SEC24D: variants seen among roughly 807,000 people sequenced by gnomAD.
SEC24D encodes protein transport protein Sec24D.
Under a neutral mutation model 116.9 loss-of-function variants are expected in SEC24D, and 69 were observed. The ratio of observed to expected loss-of-function variants is 0.59; its 90% confidence interval spans 0.49 to 0.72. The LOEUF (loss-of-function observed/expected upper bound fraction) is 0.72. Ranked by LOEUF, SEC24D falls within the 30% of genes least tolerant of loss-of-function variation. SEC24D has a pLI of 0.00. For synonymous variants in SEC24D, 405 were observed against 442.8 expected (o/e 0.91, Z 1.07); for missense variants, 1,131 against 1,264.1 (o/e 0.89, Z 1.60).
chr4:118,740,836 T>A, intron 16 of SEC24D, 28 bp from the exon 17 acceptor site: 1 of 1,612,628 alleles, frequency 6.2e-7, no homozygotes, highest in East Asian at 2.2e-5. Context: ...AGGGAAATTT[T>A]GCTTGTCTTT....
chr4:118,751,267 C>T (rs1452216769), intron 13 of SEC24D, among the ~76,000 whole-genome samples: 4 of 150,676 alleles, frequency 2.7e-5, no homozygotes, highest in African/African-American at 9.8e-5. Context: ...CAACCTCTGC[C>T]TCCCGGGTTC....
chr4:118,731,556 C>T, intron 20 of SEC24D, 49 bp from the exon 21 acceptor site: 3 of 1,495,508 alleles, frequency 2.0e-6, no homozygotes, highest in Non-Finnish European at 2.8e-6. Flanking sequence ...TTCCCCTTCC[C>T]TTCCCTCCTT....
intron 15 of SEC24D, among the ~76,000 whole-genome samples, chr4:118,742,986 C>T (rs1033416282): frequency 3.9e-5 from 6 of 152,134 alleles, no homozygotes; most frequent in East Asian, 1.9e-4. Context: ...AAACTCAGAT[C>T]GTGCCCACTC....
rs1208193470 is a variant in SEC24D at position 118,821,255 on chromosome 4, T to G, written c.248+3365A>C. Among the ~76,000 whole-genome samples the G allele has an allele frequency of 2.0e-5, 3 of 152,264 alleles. No homozygotes were observed. The East Asian group carries it at 5.8e-4, about 29-fold the overall frequency. ...TTGTTGAAATCAATTTCTTAGTAGA[T>G]TCACACATATCAGCTTCAATTTGGG... is the stretch of plus-strand genomic sequence containing the variant. On this transcript the variant is annotated intron_variant, in intron 3 of 22. Coordinates refer to ENST00000280551, the MANE Select transcript of SEC24D (RefSeq NM_014822.4).
intron 11 of SEC24D, among the ~76,000 whole-genome samples, chr4:118,756,581 C>T (rs34319778): frequency 6.6e-6 from 1 of 152,100 alleles, no homozygotes; most frequent in African/African-American, 2.4e-5. Context: ...TCATGGAGCT[C>T]TAAGGGCTGA....
chr4:118,777,537 T>A (rs1401477418), intron 8 of SEC24D, among the ~76,000 whole-genome samples: 2 of 152,200 alleles, frequency 1.3e-5, no homozygotes, highest in African/African-American at 4.8e-5. Flanking sequence ...TGGTTCCAAG[T>A]CTTTGCTGTT....
chr4:118,744,211 G>A, intron 14 of SEC24D, 53 bp from the exon 15 acceptor site: 1 of 1,404,880 alleles, frequency 7.1e-7, no homozygotes, highest in East Asian at 2.6e-5. Context: ...AAATGTTTTT[G>A]GTTTAAATTT....
At chr4:118,819,136 A>C (rs915868574) in intron 3 of SEC24D, among the ~76,000 whole-genome samples, 1 of 152,252 alleles carries the variant, frequency 6.6e-6, no homozygotes, top group Non-Finnish European at 1.5e-5. Flanking sequence ...TCACTAAAAA[A>C]TGATTTCAAG....
intron 2 of SEC24D, among the ~76,000 whole-genome samples, chr4:118,828,546 T>C (rs1381517880): frequency 2.0e-5 from 3 of 152,194 alleles, no homozygotes; most frequent in Non-Finnish European, 4.4e-5. Context: ...GGGGAGGTAC[T>C]ACTGGCATCC....
chr4:118,827,943 G>T (rs888085122), intron 2 of SEC24D, among the ~76,000 whole-genome samples: 3 of 151,866 alleles, frequency 2.0e-5, no homozygotes, highest in Admixed American at 6.6e-5. Flanking sequence ...CCATTTGTTG[G>T]GGGGGGAAAA....
At position 118,739,195 on chromosome 4, in the gene SEC24D, A is replaced by T; in HGVS notation, c.2331T>A (p.Tyr777Ter). Residue 777 changes from tyrosine (Y) to a stop codon, truncating the protein, a stop_gained, in exon 18 of 23, where the codon TAT (tyrosine) becomes TAA (stop). Transcript: ENST00000280551. LOFTEE classifies it high-confidence loss of function. The part of the protein sequence containing the change: ...LNCSSQLADL[Y>*]KSCETDALIN... Reference sequence around the variant, plus strand: ...TAAGAGCATCTGTCTCACAGCTCTTATAAAGATCAGCTAGCTGAGAGCTGC... The same window carrying T: ...TAAGAGCATCTGTCTCACAGCTCTTTTAAAGATCAGCTAGCTGAGAGCTGC... The T allele has an allele frequency of 6.2e-7, 1 of 1,613,740 alleles. No individual in the cohort carries two copies. The highest frequency in any genetic ancestry group is 8.5e-7 in the Non-Finnish European group (1 of 1,179,690).
At chr4:118,809,469 A>G (rs185264188) in intron 6 of SEC24D, among the ~76,000 whole-genome samples, 1 of 152,380 alleles carries the variant, frequency 6.6e-6, no homozygotes, top group East Asian at 1.9e-4. Context: ...TCTTTCCAGA[A>G]GGAAAAATTT....
intron 3 of SEC24D, among the ~76,000 whole-genome samples, chr4:118,819,454 C>A (rs896987305): frequency 1.4e-5 from 2 of 144,454 alleles, no homozygotes; most frequent in African/African-American, 2.5e-5. Context: ...TGGCGTGAAC[C>A]TGGGAGGCGG....
chr4:118,771,580 A>T (rs576220725), intron 8 of SEC24D, among the ~76,000 whole-genome samples: 1 of 151,762 alleles, frequency 6.6e-6, no homozygotes, highest in South Asian at 2.1e-4. Flanking sequence ...GTATGTATAT[A>T]AACACTGGTT....
chr4:118,728,491 G>C (rs1201745774), intron 22 of SEC24D, 70 bp downstream of exon 22: 2 of 841,184 alleles, frequency 2.4e-6, no homozygotes, highest in South Asian at 3.2e-5. Context: ...AAAATATAGG[G>C]TGTGCATGTT....
chr4:118,780,495 T>C (rs1298887911), intron 8 of SEC24D, among the ~76,000 whole-genome samples: 1 of 152,198 alleles, frequency 6.6e-6, no homozygotes, highest in Non-Finnish European at 1.5e-5. Context: ...TTCTTTTACA[T>C]TTGCTGAGGA....
intron 7 of SEC24D, among the ~76,000 whole-genome samples, chr4:118,798,851 T>A (rs1169789174): frequency 6.6e-6 from 1 of 151,746 alleles, no homozygotes; most frequent in African/African-American, 2.4e-5. Context: ...ATGCCCGGAG[T>A]AGTGACAGCA....
At chr4:118,740,191 A>G (rs1012464758) in intron 17 of SEC24D, among the ~76,000 whole-genome samples, 4 of 152,216 alleles carry the variant, frequency 2.6e-5, no homozygotes, top group Non-Finnish European at 4.4e-5. Context: ...AACCAAGGAC[A>G]GGGGCCTGGA....
rs1282841133 is a variant in SEC24D at position 118,752,052 on chromosome 4, T to TA, written c.1650dup (p.Asn551Ter). 5 of 1,613,130 alleles carry TA rather than the reference T, an allele frequency of 3.1e-6. No homozygotes were observed. The highest frequency in any genetic ancestry group is 4.2e-6 in the Non-Finnish European group (5 of 1,179,452). On this transcript the variant is annotated frameshift_variant, in exon 13 of 23. Coordinates refer to ENST00000280551, the MANE Select transcript of SEC24D (RefSeq NM_014822.4). LOFTEE classifies it high-confidence loss of function. ...GGAGCAAAGACAGTCTCATTTTCAT[T>TA]AGAGTCTGCAAACATGTCTGGAATC...
Sources: gnomAD v4.1 joint callset for allele counts (sites outside exome capture counted in the v4.1 genomes callset) on GRCh38, gnomAD v4.1.1 for gene constraint, MANE v1.5 for transcripts, NCBI Gene and HGNC (gene_info 2026-07-23, HGNC 2026-07-21) for gene names.